ACADVL: variants seen among roughly 807,000 people sequenced by gnomAD.
The protein encoded by ACADVL is very long-chain acyl-CoA dehydrogenase, mitochondrial.
In ACADVL, 73 loss-of-function variants were observed where a neutral mutation model predicts 80.4. The ratio of observed to expected loss-of-function variants is 0.91; its 90% CI spans 0.75 to 1.10. The LOEUF is 1.10. ACADVL is among the 50% of genes least tolerant of loss of function. The pLI is 0.00. For synonymous variants in ACADVL, 392 were observed against 326.5 expected (o/e 1.20, Z -2.16); for missense variants, 878 against 858.9 (o/e 1.02, Z -0.28).
rs147357106 is a variant in ACADVL, at chr17:7,220,663, C to G, written c.264C>G (p.Phe88Leu). The change falls in exon 4 of 20, where the codon TTC becomes TTG. Residue 88 changes from phenylalanine to leucine, a missense_variant. Transcript: ENST00000356839. The stretch of plus-strand genomic sequence containing the variant: ...GCCAGCTCACCACAGATCAGGTGTT[C>G]CCATACCCGTCCGGTAAGGGAAGGG... ...FKGQLTTDQV[F>L]PYPSVLNEEQ... 6.2e-7 allele frequency: 1 copy of G among 1,614,190 alleles called. No individual in the cohort carries two copies. Among genetic ancestry groups the G allele is most frequent in the Non-Finnish European group, 8.5e-7 (1 of 1,180,024 alleles).
Position 7,223,152 on chromosome 17 carries a change from G to A in ACADVL, c.1097G>A (p.Arg366His), listed in dbSNP as rs112406105. ...IAKAVDHATN[R>H]TQFGEKIHNF... ...TTCCAGGTAGATCATGCCACTAATC[G>A]TACCCAGTTTGGGGAGAAAATTCAC... is the stretch of plus-strand genomic sequence containing the variant. Residue 366 changes from arginine (R) to histidine (H), a missense_variant, in exon 11 of 20, where the codon CGT becomes CAT. By Grantham distance (29) the Arg-to-His change is conservative. Coordinates refer to ENST00000356839, the MANE Select transcript of ACADVL (RefSeq NM_000018.4). 91 of 1,613,862 alleles carry A rather than the reference G, an allele frequency of 5.6e-5. No homozygotes were observed. Among genetic ancestry groups the A allele is most frequent in the South Asian group, 1.8e-4 (16 of 91,062 alleles).
At chr17:7,221,891 T>G (rs753435711) in intron 7 of ACADVL, 61 bp from the exon 8 acceptor site, 5 of 1,613,018 alleles carry the variant, frequency 3.1e-6, no homozygotes, top group Non-Finnish European at 3.4e-6. Flanking sequence ...GATGGGGAAG[T>G]GGGCCGAGGG....
rs376795010 is a variant in ACADVL, at chr17:7,224,221, G to A, written c.1510G>A (p.Glu504Lys). The part of the protein sequence containing the change: ...PFGNAGLLLG[E>K]AGKQLRRRAG... Reference sequence around the variant, plus strand: ...TGGGAATGCTGGCCTCCTGCTAGGAGAGGCAGGCAAACAGCTGAGGCGGTA... The same window carrying A: ...TGGGAATGCTGGCCTCCTGCTAGGAAAGGCAGGCAAACAGCTGAGGCGGTA... Residue 504 changes from glutamate (E) to lysine (K), a missense_variant, in exon 15 of 20, where the codon GAG becomes AAG. Transcript: ENST00000356839. 5.0e-6 allele frequency: 8 copies of A among 1,614,028 alleles called. No homozygotes were observed. The highest frequency in any genetic ancestry group is 1.1e-5 in the South Asian group (1 of 91,088).
At chr17:7,218,354 C>T (rs1168060092), upstream of ACADVL, 2 of 1,522,182 alleles carry the variant, frequency 1.3e-6, no homozygotes, top group Non-Finnish European at 1.8e-6. Context: ...GTCATCACCG[C>T]TGCTGGCTGG....
chr17:7,218,371 A>C, upstream of ACADVL: 1 of 1,468,990 alleles, frequency 6.8e-7, no homozygotes, highest in Non-Finnish European at 9.3e-7. Context: ...CTGGCTGGCA[A>C]GGGAGGAGCC....
In ACADVL at chr17:7,221,575, T is replaced by C. The variant is rs1597524963; in HGVS notation, c.515T>C (p.Leu172Pro). Residue 172 changes from leucine (L) to proline (P), a missense_variant, in exon 7 of 20, where the codon CTT becomes CCT. Transcript: ENST00000356839. ...GTGGAGATCGTGGGCATGCATGACC[T>C]TGGCGTGGGCATTACCCTGGGGGCC... Reference protein sequence around the residue: ...RLVEIVGMHDLGVGITLGAHQ... With the variant: ...RLVEIVGMHDPGVGITLGAHQ... 2.5e-6 allele frequency: 4 copies of C among 1,614,054 alleles called. No homozygotes were observed. In the South Asian group the frequency reaches 3.3e-5, roughly 13 times the overall value.
At chr17:7,217,789 G>T (rs2071001172), upstream of ACADVL, 1 of 1,535,250 alleles carries the variant, frequency 6.5e-7, no homozygotes, top group Non-Finnish European at 8.7e-7. Flanking sequence ...GACCTGGCCA[G>T]CCACCAGCGA....
Position 7,220,517 on chromosome 17 carries a change from A to T in ACADVL, c.192A>T (p.Lys64Asn), listed in dbSNP as rs2071148553. 6.2e-7 allele frequency: 1 copy of T among 1,613,942 alleles called. No individual in the cohort carries two copies. The highest frequency in any genetic ancestry group is 8.5e-7 in the Non-Finnish European group (1 of 1,180,004). ...SHPSDALTRKKPAKAESKSFA... is the reference protein window; with the variant it reads ...SHPSDALTRKNPAKAESKSFA... ...CCTCTGACGCTCTGACCAGGAAAAA[A>T]CCGGCCAAGGCGGTAGGTAGCCCCG... Residue 64 changes from lysine to asparagine, a missense_variant, in exon 3 of 20, where the codon AAA (lysine) becomes AAT (asparagine). Physicochemically the swap from Lys to Asn is moderately conservative, Grantham distance 94 (BLOSUM62 0). Coordinates refer to ENST00000356839, the MANE Select transcript of ACADVL (RefSeq NM_000018.4).
At chr17:7,219,303 A>C, upstream of ACADVL, 1 of 767,742 alleles carries the variant, frequency 1.3e-6, no homozygotes, top group Non-Finnish European at 1.6e-6. Context: ...GCCTGGGCAC[A>C]TGGTCTCTGG....
At chr17:7,217,597 T>C, upstream of ACADVL, 1 of 1,275,752 alleles carries the variant, frequency 7.8e-7, no homozygotes. Flanking sequence ...GAGGGAGCCG[T>C]GGAGCCGAAG....
At chr17:7,222,968 T>C (rs1476868159) in intron 10 of ACADVL, 103 bp downstream of exon 10, 3 of 1,489,030 alleles carry the variant, frequency 2.0e-6, no homozygotes, top group Admixed American at 1.8e-5. Context: ...CACTAGAAAC[T>C]CCTCCCCTAC....
rs570954902 is a variant in ACADVL at position 7,220,307 on chromosome 17, C to T, written c.138+110C>T. 4 of 1,504,502 alleles carry T rather than the reference C, an allele frequency of 2.7e-6. 1 individual carries two copies. In the South Asian group the frequency reaches 4.8e-5, roughly 18 times the overall value. The allele number at this position is 1,504,502 out of a possible 1,614,324, so 93.2% of individuals were successfully genotyped here. On this transcript the variant is annotated intron_variant, in intron 2 of 19. Transcript: ENST00000356839. ...GCCAGGTACCTGCCTACTGCTCAGT[C>T]GCCGAAAGTAGGGGAAAGGGCAAGC...
chr17:7,224,366 C>T lies in ACADVL; in HGVS notation c.1578C>T (p.His526=), dbSNP rs376504514. ...GSGLSLSGLV[H]PELSRSGELA... ...GCCTGAGTCTCAGCGGACTTGTCCA[C>T]CCGGAGTTGAGTCGGAGTGGCGAGC... The change falls in exon 16 of 20, where the codon CAC becomes CAT. Residue 526 remains histidine (H), a synonymous_variant. Transcript: ENST00000356839. 3 of 1,613,854 alleles carry T rather than the reference C, an allele frequency of 1.9e-6. No homozygotes were observed. Among genetic ancestry groups the T allele is most frequent in the Non-Finnish European group, 2.5e-6 (3 of 1,179,936 alleles).
Position 7,222,073 on chromosome 17 carries a change from T to C in ACADVL, c.744T>C (p.Leu248=). The change falls in exon 8 of 20, where the codon CTT becomes CTC. Residue 248 remains leucine (L), a synonymous_variant. Coordinates refer to ENST00000356839, the MANE Select transcript of ACADVL (RefSeq NM_000018.4). ...ACTATACCCTCAATGGAAGCAAGCT[T>C]TGGATCAGGCAACCTGCCTCCCATT... The part of the protein sequence containing the change: ...GKYYTLNGSK[L]WISNGGLADI... 6.2e-7 allele frequency: 1 copy of C among 1,614,094 alleles called. No homozygotes were observed.
rs786204536 is a variant in ACADVL at position 7,222,014 on chromosome 17, C to T, written c.685C>T (p.Arg229Ter). Residue 229 changes from arginine to a stop codon, truncating the protein, a stop_gained, in exon 8 of 20, where the codon CGA (arginine) becomes TGA (stop). Transcript: ENST00000356839. LOFTEE classifies it high-confidence loss of function. ...PSSGSDAASI[R>*]TSAVPSPCGK... The stretch of plus-strand genomic sequence containing the variant: ...AAGCGGGTCAGATGCAGCCTCCATC[C>T]GAACCTCTGCTGTGCCCAGCCCCTG... The T allele has an allele frequency of 6.8e-6, 11 of 1,613,948 alleles. No homozygotes were observed. Among genetic ancestry groups the T allele is most frequent in the East Asian group, 2.2e-5 (1 of 44,870 alleles).
chr17:7,217,925 G>T, upstream of ACADVL: 1 of 1,091,044 alleles, frequency 9.2e-7, no homozygotes, highest in East Asian at 2.6e-5. Flanking sequence ...AGGGGGTCGG[G>T]TGTGAGGGAG....
In ACADVL at chr17:7,223,654, A is replaced by T; in HGVS notation, c.1193A>T (p.Tyr398Phe). 2 of 1,614,166 alleles carry T rather than the reference A, an allele frequency of 1.2e-6. No homozygotes were observed. The highest frequency in any genetic ancestry group is 1.7e-6 in the Non-Finnish European group (2 of 1,180,026). ...ACTATGCAACCTCAGTCCATGGCTT[A>T]CATGGTGAGTGCTAACATGGACCAG... The part of the protein sequence containing the change: ...MLQYVTESMA[Y>F]MVSANMDQGA... The change falls in exon 12 of 20, where the codon TAC becomes TTC. Residue 398 changes from tyrosine (Y) to phenylalanine (F), a missense_variant. By Grantham distance (22) the Tyr-to-Phe change is conservative. Transcript: ENST00000356839.
In ACADVL at chr17:7,224,414, G is replaced by A. The variant is rs1391844781; in HGVS notation, c.1605+21G>A. On this transcript the variant is annotated intron_variant, in intron 16 of 19. Coordinates refer to ENST00000356839, the MANE Select transcript of ACADVL (RefSeq NM_000018.4). ...AGCTGGTAAGTGGCCAGGGGTCCAGGAGAGCCTGCATCAGGGACTGCAGCC... is the reference window on the plus strand; with the variant it reads ...AGCTGGTAAGTGGCCAGGGGTCCAGAAGAGCCTGCATCAGGGACTGCAGCC... 25 of 1,613,704 alleles carry A rather than the reference G, an allele frequency of 1.5e-5. No homozygotes were observed. In the East Asian group the frequency reaches 5.6e-4, roughly 36 times the overall value.
upstream of ACADVL, chr17:7,219,898 T>A (rs746658509): frequency 5.9e-6 from 7 of 1,193,720 alleles, no homozygotes; most frequent in South Asian, 8.3e-5. Flanking sequence ...GGACGATGAG[T>A]CAGGGTTAGG....
Sources: allele counts gnomAD v4.1 joint callset, GRCh38; gene constraint gnomAD v4.1.1; transcripts MANE v1.5; gene names NCBI Gene and HGNC (gene_info 2026-07-23, HGNC 2026-07-21).